The following TLK2 variants were observed in gnomAD, a reference collection of about 807,000 sequenced individuals.
TLK2 encodes the protein tousled like kinase 2.
A neutral mutation model predicts 117.3 loss-of-function variants in TLK2; 6 were observed. The ratio of observed to expected loss-of-function variants is 0.05; its 90% CI spans 0.03 to 0.10. The LOEUF (loss-of-function observed/expected upper bound fraction) is 0.10. Among genes scored for constraint, TLK2 ranks in the 10% least tolerant of loss-of-function variants. The pLI, the probability that TLK2 is intolerant of heterozygous loss-of-function variation, is 1.00. For synonymous variants in TLK2, 257 were observed against 316.7 expected, an observed-to-expected ratio of 0.81 and a Z score of 2.00; for missense variants, 299 against 901.2, an observed-to-expected ratio of 0.33 and a Z score of 8.56.
intron 5 of TLK2, among the ~76,000 whole-genome samples, chr17:62,523,685 T>A (rs1447250220): frequency 6.6e-6 from 1 of 152,190 alleles, no homozygotes; most frequent in Non-Finnish European, 1.5e-5. Context: ...AAGAGAAAAC[T>A]GCTGCTGCCT....
intron 2 of TLK2, among the ~76,000 whole-genome samples, chr17:62,487,539 A>G (rs2072562893): frequency 6.6e-6 from 1 of 151,100 alleles, no homozygotes. Context: ...AAAAAAAGTA[A>G]GTCAGCAAGG....
intron 15 of TLK2, among the ~76,000 whole-genome samples, chr17:62,581,621 T>C (rs947606624): frequency 6.6e-6 from 1 of 151,850 alleles, no homozygotes; most frequent in Non-Finnish European, 1.5e-5. Context: ...TATTTTTTTT[T>C]ATAGTGACAG....
intron 11 of TLK2, among the ~76,000 whole-genome samples, chr17:62,568,464 G>C (rs1346751346): frequency 3.3e-5 from 5 of 150,504 alleles, no homozygotes; most frequent in Non-Finnish European, 7.4e-5. Flanking sequence ...AATGGGATTT[G>C]ACCTGTGTAC....
At chr17:62,554,967 A>C (rs1350678186) in intron 9 of TLK2, among the ~76,000 whole-genome samples, 1 of 148,454 alleles carries the variant, frequency 6.7e-6, no homozygotes. Flanking sequence ...CATTTGGTAC[A>C]TTTTTTTTTT....
At chr17:62,605,890 C>A (rs1049062807) in intron 19 of TLK2, among the ~76,000 whole-genome samples, 37 of 150,930 alleles carry the variant, frequency 2.5e-4, no homozygotes, top group African/African-American at 9.0e-4. Context: ...GCCTTTAATC[C>A]CAGCTACTTG....
At position 62,519,989 on chromosome 17, in the gene TLK2, G is replaced by A. The variant is rs371282876; in HGVS notation, c.82-784G>A. Among the ~76,000 whole-genome samples the A allele has an allele frequency of 3.5e-3, 526 of 152,296 alleles. 6 individuals carry two copies. Among genetic ancestry groups the A allele is most frequent in the African/African-American group, 0.012 (510 of 41,560 alleles). On this transcript the variant is annotated intron_variant, in intron 2 of 21. Transcript: ENST00000346027. ...AACTTGTCACACTCTTGCAAGTGAA[G>A]TTAGGTCCTTTGAGATACTCTGTGT...
intron 2 of TLK2, among the ~76,000 whole-genome samples, chr17:62,511,176 T>G (rs1421226484): frequency 6.6e-6 from 1 of 152,164 alleles, no homozygotes; most frequent in Non-Finnish European, 1.5e-5. Flanking sequence ...TCTAGGCAAT[T>G]TTATCACATG....
intron 9 of TLK2, among the ~76,000 whole-genome samples, chr17:62,558,888 G>T (rs1226271809): frequency 6.6e-6 from 1 of 152,206 alleles, no homozygotes; most frequent in Non-Finnish European, 1.5e-5. Context: ...CAAAAATTGA[G>T]TATCGTGTGA....
intron 16 of TLK2, among the ~76,000 whole-genome samples, chr17:62,592,511 A>G (rs1277496626): frequency 1.3e-5 from 2 of 152,196 alleles, no homozygotes; most frequent in African/African-American, 4.8e-5. Flanking sequence ...TACTTAATGT[A>G]AGCTTAGATG....
At chr17:62,542,968 A>G (rs1280605983) in intron 7 of TLK2, among the ~76,000 whole-genome samples, 1 of 152,230 alleles carries the variant, frequency 6.6e-6, no homozygotes, top group Non-Finnish European at 1.5e-5. Context: ...GCATTATAAC[A>G]TGTCTATTAG....
At chr17:62,498,021 G>A (rs574237711) in intron 2 of TLK2, among the ~76,000 whole-genome samples, 12 of 152,246 alleles carry the variant, frequency 7.9e-5, no homozygotes, top group African/African-American at 2.9e-4. Context: ...ACTAGATTGT[G>A]TCAGTGAAAA....
chr17:62,508,037 G>A (rs2074847842), intron 2 of TLK2, among the ~76,000 whole-genome samples: 1 of 151,874 alleles, frequency 6.6e-6, no homozygotes, highest in African/African-American at 2.4e-5. Flanking sequence ...TTTAAATGTT[G>A]TCATAGACAA....
intron 11 of TLK2, among the ~76,000 whole-genome samples, chr17:62,565,651 C>CAAA (rs5821367): frequency 0.048 from 4,879 of 100,604 alleles, 289 homozygotes; most frequent in African/African-American, 0.059. Context: ...GACTCCATCT[C>CAAA]AAAAAAAAAA....
chr17:62,602,835 C>T (rs1369736405), intron 19 of TLK2, among the ~76,000 whole-genome samples: 1 of 152,124 alleles, frequency 6.6e-6, no homozygotes, highest in Non-Finnish European at 1.5e-5. Flanking sequence ...TACCTTTGGC[C>T]ATTAGAACCA....
At chr17:62,574,103 G>T (rs2080546862) in intron 12 of TLK2, among the ~76,000 whole-genome samples, 1 of 152,146 alleles carries the variant, frequency 6.6e-6, no homozygotes, top group Non-Finnish European at 1.5e-5. Flanking sequence ...CAACTAATAT[G>T]TCATTTGCTT....
chr17:62,545,210 G>A (rs1174561166), intron 7 of TLK2, among the ~76,000 whole-genome samples: 1 of 152,094 alleles, frequency 6.6e-6, no homozygotes, highest in Non-Finnish European at 1.5e-5. Context: ...TGTATTTTTA[G>A]TAGAGATGGT....
intron 18 of TLK2, among the ~76,000 whole-genome samples, chr17:62,601,404 G>A (rs527858210): frequency 1.3e-5 from 2 of 152,258 alleles, no homozygotes; most frequent in South Asian, 4.1e-4. Context: ...TAGGAAGATG[G>A]TCCACATTTA....
rs1422956613 is a variant in TLK2, at chr17:62,613,399, A to G, written c.*834A>G. On this transcript the variant is annotated 3_prime_UTR_variant, in exon 22 of 22. Transcript: ENST00000346027. ...AGCTTGGAGTCTCTCTAGGTTTTCAACTATTTCTTCACAATTTGAACACTT... is the reference window on the plus strand; with the variant it reads ...AGCTTGGAGTCTCTCTAGGTTTTCAGCTATTTCTTCACAATTTGAACACTT... 1.3e-5 allele frequency: 2 copies of G among 152,630 alleles called. No individual in the cohort carries two copies. The highest frequency in any genetic ancestry group is 2.9e-5 in the Non-Finnish European group (2 of 68,034). 9.5% of individuals were successfully genotyped at this position (152,630 alleles called of 1,614,324 possible).
At chr17:62,596,451 A>C in intron 16 of TLK2, 134 bp from the exon 17 acceptor site, 1 of 640,622 alleles carries the variant, frequency 1.6e-6, no homozygotes, top group Non-Finnish European at 2.7e-6. Context: ...AAGTCAGATG[A>C]GGGACCAGAT....
Sources: gnomAD v4.1 joint callset for allele counts (sites outside exome capture counted in the v4.1 genomes callset) on GRCh38, gnomAD v4.1.1 for gene constraint, MANE v1.5 for transcripts, NCBI Gene and HGNC (gene_info 2026-07-23, HGNC 2026-07-21) for gene names.